Variants in DHRS7B observed in about 807,000 individuals in gnomAD.
DHRS7B encodes the protein dehydrogenase/reductase 7B.
Under a neutral mutation model 26.4 loss-of-function variants are expected in DHRS7B, and 24 were observed. That is an observed-to-expected ratio of 0.91 (90% CI 0.66 to 1.28). The LOEUF is 1.28. DHRS7B is among the 50% of genes most tolerant of loss of function. The probability of loss-of-function intolerance (pLI) is 0.00; values close to 1 mark genes in which losing one functional copy is unlikely to be tolerated. For missense variants in DHRS7B, 368 were observed against 419.4 expected (o/e 0.88, Z 1.07); for synonymous variants, 142 against 166.4 (o/e 0.85, Z 1.13).
At chr17:21,186,118 C>T (rs943820176) in intron 5 of DHRS7B, among the ~76,000 whole-genome samples, 6 of 152,312 alleles carry the variant, frequency 3.9e-5, no homozygotes, top group Admixed American at 3.9e-4. Context: ...TTTATAATGA[C>T]CAGGCTGAAT....
chr17:21,135,423 GTT>G (rs991340533), intron 1 of DHRS7B, among the ~76,000 whole-genome samples: 1 of 152,140 alleles, frequency 6.6e-6, no homozygotes, highest in African/African-American at 2.4e-5. Flanking sequence ...ATTTGGGAAA[GTT>G]TGTCAAATAT....
At chr17:21,171,008 A>G (rs1974228634) in intron 1 of DHRS7B, among the ~76,000 whole-genome samples, 1 of 151,994 alleles carries the variant, frequency 6.6e-6, no homozygotes. Context: ...CTTCCTGAGA[A>G]GGATTCTGTG....
chr17:21,138,097 T>TACACACACAC (rs1342290821), intron 1 of DHRS7B, among the ~76,000 whole-genome samples: 2,806 of 87,312 alleles, frequency 0.032, 73 homozygotes, highest in South Asian at 0.048. Context: ...TATATATATA[T>TACACACACAC]ATATACACAC....
In DHRS7B at chr17:21,140,535, C is replaced by CACACCCTG. The variant is rs1555536402; in HGVS notation, c.20+13552_20+13559dup. On this transcript the variant is annotated intron_variant, in intron 1 of 6. Coordinates refer to ENST00000395511, the MANE Select transcript of DHRS7B (RefSeq NM_015510.5). Reference sequence around the variant, plus strand: ...ACACACACACACACACACACACACACACACCCTGACACCCTATAGCTTTTA... The same window carrying CACACCCTG: ...ACACACACACACACACACACACACACACACCCTGACACCCTGACACCCTATAGCTTTTA... 1.0e-4 allele frequency among the ~76,000 whole-genome samples: 15 copies of CACACCCTG among 149,768 alleles called. No homozygotes were observed. In the East Asian group the frequency reaches 2.2e-3, roughly 22 times the overall value.
At chr17:21,170,509 A>C (rs575602976) in intron 1 of DHRS7B, among the ~76,000 whole-genome samples, 1 of 152,296 alleles carries the variant, frequency 6.6e-6, no homozygotes, top group Admixed American at 6.5e-5. Context: ...AGCTTTATCC[A>C]TGCAGCAGAT....
chr17:21,191,093 G>A lies in DHRS7B; in HGVS notation c.918G>A (p.Gly306=), dbSNP rs149212384. ...TTTATCTTCGAACTCTGGCTCCTGG[G>A]CTCTTCTTCAGCCTCATGGCCTCCA... The part of the protein sequence containing the change: ...LAVYLRTLAP[G]LFFSLMASRA... The change falls in exon 7 of 7, where the codon GGG becomes GGA. Residue 306 remains glycine (G), a synonymous_variant. Transcript: ENST00000395511. The A allele has an allele frequency of 4.9e-5, 79 of 1,614,010 alleles. No homozygotes were observed. The highest frequency in any genetic ancestry group is 6.4e-5 in the Non-Finnish European group (76 of 1,180,052).
chr17:21,162,790 T>G (rs931059814), intron 1 of DHRS7B, among the ~76,000 whole-genome samples: 1 of 152,214 alleles, frequency 6.6e-6, no homozygotes, highest in African/African-American at 2.4e-5. Context: ...AGACCCAATT[T>G]TTCTTCTGCT....
At chr17:21,168,155 G>A (rs1361855388) in intron 1 of DHRS7B, among the ~76,000 whole-genome samples, 1 of 152,170 alleles carries the variant, frequency 6.6e-6, no homozygotes, top group African/African-American at 2.4e-5. Flanking sequence ...CCAGCAGTGT[G>A]GCCACATGCC....
intron 1 of DHRS7B, among the ~76,000 whole-genome samples, chr17:21,138,802 A>T (rs796318083): frequency 6.6e-6 from 1 of 152,050 alleles, no homozygotes; most frequent in South Asian, 2.1e-4. Context: ...TTTTCCTACA[A>T]TATATATTTA....
chr17:21,146,064 T>C (rs1973636818), intron 1 of DHRS7B, among the ~76,000 whole-genome samples: 1 of 152,184 alleles, frequency 6.6e-6, no homozygotes, highest in Admixed American at 6.5e-5. Context: ...AACCCAGCAG[T>C]TGTGGTAATA....
intron 1 of DHRS7B, 105 bp downstream of exon 1, chr17:21,127,096 G>C: frequency 7.9e-7 from 1 of 1,259,198 alleles, no homozygotes; most frequent in Non-Finnish European, 1.0e-6. Flanking sequence ...TAGTGGTCGA[G>C]CTAAGGCCGC....
intron 1 of DHRS7B, among the ~76,000 whole-genome samples, chr17:21,141,640 A>AAAAAAAAAAAACAAAG: frequency 1.1e-5 from 1 of 90,078 alleles, no homozygotes; most frequent in Non-Finnish European, 2.1e-5. Context: ...AAAAAAAAAA[A>AAAAAAAAAAAACAAAG]CAACCTCATC....
chr17:21,132,408 G>A (rs2143856482), intron 1 of DHRS7B, among the ~76,000 whole-genome samples: 1 of 150,990 alleles, frequency 6.6e-6, no homozygotes, highest in African/African-American at 2.4e-5. Context: ...ACTCATGCCT[G>A]TGGTCCTAGC....
chr17:21,174,117 T>C (rs1974320917), intron 2 of DHRS7B, among the ~76,000 whole-genome samples: 1 of 152,238 alleles, frequency 6.6e-6, no homozygotes, highest in African/African-American at 2.4e-5. Context: ...TAACTGGCCA[T>C]GTCAAGTACA....
intron 2 of DHRS7B, 153 bp downstream of exon 2, chr17:21,172,349 C>A: frequency 1.1e-6 from 1 of 925,978 alleles, no homozygotes; most frequent in Non-Finnish European, 1.6e-6. Flanking sequence ...GTCCTTGGTA[C>A]AAGTGGAAAA....
chr17:21,145,605 G>A (rs182125940), intron 1 of DHRS7B, among the ~76,000 whole-genome samples: 6 of 152,274 alleles, frequency 3.9e-5, no homozygotes, highest in East Asian at 1.9e-4. Context: ...ACTTATGATG[G>A]TTCTACTCAA....
chr17:21,141,619 CAAA>C (rs71357469), intron 1 of DHRS7B, among the ~76,000 whole-genome samples: 33 of 14,382 alleles, frequency 2.3e-3, no homozygotes, highest in African/African-American at 8.6e-3. Flanking sequence ...AGCAAGAAAG[CAAA>C]AAAAAAAAAA....
At chr17:21,142,645 G>A (rs1413842861) in intron 1 of DHRS7B, among the ~76,000 whole-genome samples, 2 of 152,060 alleles carry the variant, frequency 1.3e-5, no homozygotes, top group African/African-American at 2.4e-5. Flanking sequence ...CAGAAATGCA[G>A]GGACAACTCA....
chr17:21,132,309 TG>T (rs1282787244), intron 1 of DHRS7B, among the ~76,000 whole-genome samples: 141 of 148,776 alleles, frequency 9.5e-4, no homozygotes, highest in Middle Eastern at 3.4e-3. Flanking sequence ...GAGACCACCC[TG>T]GGCAACATAG....
Sources: allele counts gnomAD v4.1 joint callset (sites outside exome capture counted in the v4.1 genomes callset), GRCh38; gene constraint gnomAD v4.1.1; transcripts MANE v1.5; gene names NCBI Gene and HGNC (gene_info 2026-07-23, HGNC 2026-07-21).